Variants in ZMAT3 observed in about 807,000 individuals in gnomAD.
ZMAT3 encodes the protein zinc finger matrin-type protein 3.
A neutral mutation model predicts 32.3 loss-of-function variants in ZMAT3; 17 were observed. The ratio of observed to expected loss-of-function variants is 0.53; its 90% CI spans 0.36 to 0.79. The LOEUF is 0.79. Among genes scored for constraint, ZMAT3 ranks in the 30% least tolerant of loss-of-function variants. The pLI is 0.00. For synonymous variants in ZMAT3, 120 were observed against 133.1 expected, an observed-to-expected ratio of 0.90 and a Z score of 0.68; for missense variants, 329 against 359.7, an observed-to-expected ratio of 0.91 and a Z score of 0.69.
At chr3:179,036,436 C>A (rs1441597072) in intron 2 of ZMAT3, among the ~76,000 whole-genome samples, 1 of 151,966 alleles carries the variant, frequency 6.6e-6, no homozygotes, top group Admixed American at 6.6e-5. Flanking sequence ...AAAACTATCA[C>A]CTAGACAGAG....
chr3:179,029,444 T>C (rs1175620664), intron 3 of ZMAT3, among the ~76,000 whole-genome samples: 2 of 152,168 alleles, frequency 1.3e-5, no homozygotes, highest in African/African-American at 4.8e-5. Flanking sequence ...AATAATACTT[T>C]CATGGAATTT....
At chr3:179,027,217 AAAAT>A (rs1471357149) in intron 5 of ZMAT3, among the ~76,000 whole-genome samples, 5 of 152,238 alleles carry the variant, frequency 3.3e-5, no homozygotes, top group Non-Finnish European at 7.3e-5. Flanking sequence ...GTGTAAAACC[AAAAT>A]AAATAATATA....
At chr3:179,059,268 A>G (rs6783951) in intron 2 of ZMAT3, among the ~76,000 whole-genome samples, 86,474 of 151,950 alleles carry the variant, frequency 0.57, 24,770 homozygotes, top group East Asian at 0.76. Flanking sequence ...AGAAGAAGAA[A>G]TAGAATGGGG....
rs567162105 is a variant in ZMAT3 at position 179,037,409 on chromosome 3, C to T, written c.271-6410G>A. Reference sequence around the variant, plus strand: ...ACCCACATTCCCCTCATCTAGACAACGACACCCAATGCAGAAGCTGCTGGC... The same window carrying T: ...ACCCACATTCCCCTCATCTAGACAATGACACCCAATGCAGAAGCTGCTGGC... On this transcript the variant is annotated intron_variant, in intron 2 of 5. Transcript: ENST00000311417. 1.2e-3 allele frequency among the ~76,000 whole-genome samples: 189 copies of T among 152,314 alleles called. 1 individual carries two copies. Among genetic ancestry groups the T allele is most frequent in the African/African-American group, 4.0e-3 (166 of 41,560 alleles).
At chr3:179,056,318 G>A (rs968327365) in intron 2 of ZMAT3, among the ~76,000 whole-genome samples, 20 of 149,966 alleles carry the variant, frequency 1.3e-4, no homozygotes, top group Admixed American at 3.3e-4. Context: ...GGGACAAACG[G>A]GATAAAAAAA....
chr3:179,062,142 A>C (rs1302496321), intron 2 of ZMAT3, among the ~76,000 whole-genome samples: 1 of 152,178 alleles, frequency 6.6e-6, no homozygotes, highest in African/African-American at 2.4e-5. Context: ...AATGCTACAA[A>C]GGGGTCAAGT....
intron 2 of ZMAT3, among the ~76,000 whole-genome samples, chr3:179,058,562 C>A (rs948987788): frequency 6.6e-6 from 1 of 152,082 alleles, no homozygotes; most frequent in Admixed American, 6.5e-5. Flanking sequence ...CGAGACCATC[C>A]TAGCTAAAAC....
intron 2 of ZMAT3, among the ~76,000 whole-genome samples, chr3:179,054,733 G>C (rs1720744358): frequency 1.3e-5 from 2 of 152,160 alleles, no homozygotes; most frequent in South Asian, 4.1e-4. Context: ...CAACACTGCT[G>C]CTTGCCGCCA....
intron 2 of ZMAT3, among the ~76,000 whole-genome samples, chr3:179,040,442 A>G (rs1719856685): frequency 6.6e-6 from 1 of 152,224 alleles, no homozygotes; most frequent in Non-Finnish European, 1.5e-5. Flanking sequence ...TTCCTTAAAG[A>G]AAAGAATTTT....
At chr3:179,025,975 C>G (rs1718844967) in intron 5 of ZMAT3, among the ~76,000 whole-genome samples, 1 of 152,178 alleles carries the variant, frequency 6.6e-6, no homozygotes, top group Non-Finnish European at 1.5e-5. Context: ...TTCACTTCCA[C>G]TATAATAATA....
In ZMAT3 at chr3:179,024,986, G is replaced by T; in HGVS notation, c.*31C>A. 6.2e-7 allele frequency: 1 copy of T among 1,608,880 alleles called. No homozygotes were observed. On this transcript the variant is annotated 3_prime_UTR_variant, in exon 6 of 6. Coordinates refer to ENST00000311417, the MANE Select transcript of ZMAT3 (RefSeq NM_022470.4). ...TTGACAAAAGGCAAACAACAGGCAG[G>T]AAAAGCTGCTCTATCTTAATATGAT...
chr3:179,071,989 A>T (rs1162044168), upstream of ZMAT3: 1 of 152,566 alleles, frequency 6.6e-6, no homozygotes, highest in South Asian at 2.1e-4. Flanking sequence ...GCGCGGGGTT[A>T]GGCCGGCGTG....
At chr3:179,068,070 G>A (rs896379288) in intron 1 of ZMAT3, among the ~76,000 whole-genome samples, 5 of 152,092 alleles carry the variant, frequency 3.3e-5, no homozygotes, top group Non-Finnish European at 5.9e-5. Context: ...CCTTTGGCCC[G>A]TGAACATTAA....
intron 2 of ZMAT3, among the ~76,000 whole-genome samples, chr3:179,060,586 G>A (rs1296881694): frequency 6.6e-6 from 1 of 152,092 alleles, no homozygotes; most frequent in Non-Finnish European, 1.5e-5. Context: ...AGAAGTTGCA[G>A]TGAGTTGAGA....
At chr3:179,070,229 G>A (rs1472559584) in intron 1 of ZMAT3, among the ~76,000 whole-genome samples, 1 of 152,156 alleles carries the variant, frequency 6.6e-6, no homozygotes, top group Non-Finnish European at 1.5e-5. Flanking sequence ...ACTTTCACTT[G>A]AGGAAATTCT....
intron 2 of ZMAT3, among the ~76,000 whole-genome samples, chr3:179,037,012 G>A (rs1381613641): frequency 1.3e-5 from 2 of 151,990 alleles, no homozygotes; most frequent in African/African-American, 4.8e-5. Context: ...ACCTCTTTTG[G>A]GTCCCCTCTC....
At chr3:179,055,152 C>T (rs1300348896) in intron 2 of ZMAT3, among the ~76,000 whole-genome samples, 2 of 152,106 alleles carry the variant, frequency 1.3e-5, no homozygotes, top group African/African-American at 4.8e-5. Flanking sequence ...ACATTCCCCC[C>T]AAGGCAAAAA....
At chr3:179,032,283 C>T (rs897969423) in intron 2 of ZMAT3, among the ~76,000 whole-genome samples, 3 of 151,966 alleles carry the variant, frequency 2.0e-5, no homozygotes, top group African/African-American at 4.8e-5. Context: ...GGATTGCAGA[C>T]AGAGTCTCGC....
chr3:179,031,903 T>G (rs1719218235), intron 2 of ZMAT3, among the ~76,000 whole-genome samples: 1 of 65,078 alleles, frequency 1.5e-5, no homozygotes, highest in Non-Finnish European at 2.7e-5. Context: ...TTAGATTCTG[T>G]CTCAAATAAA....
Sources: gnomAD v4.1 joint callset for allele counts (sites outside exome capture counted in the v4.1 genomes callset) on GRCh38, gnomAD v4.1.1 for gene constraint, MANE v1.5 for transcripts, NCBI Gene and HGNC (gene_info 2026-07-23, HGNC 2026-07-21) for gene names.